Variants in ABCB7 observed in about 807,000 individuals in gnomAD.
ABCB7 encodes ATP binding cassette subfamily B member 7.
Under a neutral mutation model 54.4 loss-of-function variants are expected in ABCB7, and 7 were observed. The ratio of observed to expected loss-of-function variants is 0.13; its 90% confidence interval spans 0.07 to 0.24. ABCB7 has a LOEUF of 0.24. Among genes scored for constraint, ABCB7 ranks in the 10% least tolerant of loss-of-function variants. The probability of loss-of-function intolerance (pLI) is 1.00; values close to 1 mark genes in which losing one functional copy is unlikely to be tolerated. For synonymous variants in ABCB7, 218 were observed against 207.1 expected (o/e 1.05, Z -0.45); for missense variants, 356 against 570.4 (o/e 0.62, Z 3.83).
At chrX:75,105,048 C>T (rs906902837) in intron 3 of ABCB7, among the ~76,000 whole-genome samples, 3 of 111,398 alleles carry the variant, frequency 2.7e-5, no homozygotes, top group African/African-American at 9.8e-5. Context: ...ATCAAAGCCA[C>T]ATATGGCAAA....
At chrX:75,070,671 C>T (rs781392786) in intron 9 of ABCB7, 149 bp from the exon 10 acceptor site, 4 of 573,569 alleles carry the variant, frequency 7.0e-6, no homozygotes, top group East Asian at 7.1e-5. Flanking sequence ...CATTAATCCA[C>T]GATTTAGGTA....
At chrX:75,068,943 C>G in intron 12 of ABCB7, 64 bp downstream of exon 12, 1 of 1,121,199 alleles carries the variant, frequency 8.9e-7, no homozygotes, top group Non-Finnish European at 1.2e-6. Flanking sequence ...TCAAACTGTT[C>G]TAGTTACGGA....
chrX:75,057,108 A>T (rs994376117), intron 15 of ABCB7, among the ~76,000 whole-genome samples: 2 of 111,907 alleles, frequency 1.8e-5, no homozygotes, highest in African/African-American at 6.5e-5. Flanking sequence ...AGGTATAAAA[A>T]CACTAAGCAT....
At chrX:75,068,344 C>A (rs893796205) in intron 12 of ABCB7, among the ~76,000 whole-genome samples, 1 of 111,891 alleles carries the variant, frequency 8.9e-6, no homozygotes, top group African/African-American at 3.3e-5. Context: ...TCTCTATAAG[C>A]TTTCATCATA....
intron 2 of ABCB7, among the ~76,000 whole-genome samples, chrX:75,113,757 G>A (rs2081783637): frequency 9.0e-6 from 1 of 111,673 alleles, no homozygotes; most frequent in African/African-American, 3.3e-5. Flanking sequence ...TATCAGCTCT[G>A]GGCCAAGCTA....
At chrX:75,057,368 CAT>C (rs1316156972) in intron 15 of ABCB7, among the ~76,000 whole-genome samples, 1 of 108,845 alleles carries the variant, frequency 9.2e-6, no homozygotes, top group Non-Finnish European at 1.9e-5. Flanking sequence ...CAGATCATGC[CAT>C]ATAAGTTTCC....
rs768721419 is a variant in ABCB7, at chrX:75,136,550, G to A, written c.168+19555C>T. ...ATAGCCAAAACAATCCTAAGCAAAA[G>A]CAAAAACAGAAACAAAAACAAAACA... On this transcript the variant is annotated intron_variant, in intron 1 of 15. Coordinates refer to ENST00000373394, the MANE Select transcript of ABCB7 (RefSeq NM_001271696.3). Among the ~76,000 whole-genome samples, 9 of 110,756 alleles carry A rather than the reference G, an allele frequency of 8.1e-5. No individual in the cohort carries two copies. The South Asian group carries it at 3.4e-3, about 42-fold the overall frequency.
At chrX:75,087,633 A>G (rs976442855) in intron 4 of ABCB7, among the ~76,000 whole-genome samples, 2 of 111,847 alleles carry the variant, frequency 1.8e-5, no homozygotes, top group African/African-American at 6.5e-5. Context: ...AGCAAGAGTT[A>G]TGACTAATCT....
Position 75,073,763 on chromosome X carries a change from T to C in ABCB7, c.958A>G (p.Ile320Val), listed in dbSNP as rs1133578. 5.1e-5 allele frequency: 61 copies of C among 1,201,182 alleles called. No individual in the cohort carries two copies. In the African/African-American group the frequency reaches 9.3e-4, roughly 18 times the overall value. Residue 320 changes from isoleucine to valine, a missense_variant, in exon 8 of 16, where the codon ATA (isoleucine) becomes GTA (valine). Ile to Val is a conservative substitution (Grantham distance 29). Coordinates refer to ENST00000373394, the MANE Select transcript of ABCB7 (RefSeq NM_001271696.3). ...AVTRWRTRFR[I>V]EMNKADNDAG... is the part of the protein sequence containing the mutation. ...TCATTATCTGCTTTGTTCATTTCTATTCTAAATCTAGTTCTGTAAGACAAA... is the reference window on the plus strand; with the variant it reads ...TCATTATCTGCTTTGTTCATTTCTACTCTAAATCTAGTTCTGTAAGACAAA...
chrX:75,113,784 A>T, intron 2 of ABCB7, among the ~76,000 whole-genome samples: 1 of 112,283 alleles, frequency 8.9e-6, no homozygotes, highest in Admixed American at 9.5e-5. Context: ...TGGAGTTACA[A>T]AAAGCAAAAA....
At chrX:75,138,585 T>C (rs1401478890) in intron 1 of ABCB7, among the ~76,000 whole-genome samples, 1 of 112,272 alleles carries the variant, frequency 8.9e-6, no homozygotes, top group Admixed American at 9.4e-5. Context: ...AATAGCTTTT[T>C]AACTGGGATT....
At chrX:75,055,508 A>T (rs1276797056) in intron 15 of ABCB7, among the ~76,000 whole-genome samples, 1 of 94,870 alleles carries the variant, frequency 1.1e-5, no homozygotes, top group East Asian at 3.7e-4. Flanking sequence ...GGAGTTTGAG[A>T]CTAGCCTGGG....
chrX:75,127,859 G>A (rs1167916377), intron 1 of ABCB7, among the ~76,000 whole-genome samples: 1 of 111,722 alleles, frequency 9.0e-6, no homozygotes, highest in Non-Finnish European at 1.9e-5. Context: ...TTGCTACAAA[G>A]GGAATAAAAT....
At chrX:75,147,783 C>T (rs1366925174) in intron 1 of ABCB7, among the ~76,000 whole-genome samples, 2 of 112,046 alleles carry the variant, frequency 1.8e-5, no homozygotes, top group African/African-American at 3.2e-5. Flanking sequence ...ATAAGTTTAC[C>T]TATGTAACAA....
At chrX:75,063,654 A>G (rs574625828) in intron 13 of ABCB7, among the ~76,000 whole-genome samples, 7 of 111,385 alleles carry the variant, frequency 6.3e-5, no homozygotes, top group African/African-American at 2.3e-4. Context: ...AGGAAGGACT[A>G]GTTTTGAAGT....
intron 1 of ABCB7, among the ~76,000 whole-genome samples, chrX:75,151,161 T>C (rs143449045): frequency 0.012 from 1,352 of 111,666 alleles, 23 homozygotes; most frequent in African/African-American, 0.042. Flanking sequence ...ACATGAAATT[T>C]TCTTCCTCTT....
chrX:75,065,337 G>C (rs1240606669), intron 12 of ABCB7, 96 bp from the exon 13 acceptor site: 12 of 828,084 alleles, frequency 1.4e-5, no homozygotes, highest in Non-Finnish European at 2.0e-5. Flanking sequence ...AGAGACAAAG[G>C]CATAAAGGGT....
At chrX:75,092,637 C>A (rs1189001546) in intron 4 of ABCB7, among the ~76,000 whole-genome samples, 1 of 111,433 alleles carries the variant, frequency 9.0e-6, no homozygotes, top group Non-Finnish European at 1.9e-5. Flanking sequence ...AAGCCACAGA[C>A]TGAGACAAAG....
chrX:75,148,376 A>ACC (rs200491997), intron 1 of ABCB7, among the ~76,000 whole-genome samples: 1 of 101,381 alleles, frequency 9.9e-6, no homozygotes, highest in South Asian at 4.8e-4. Context: ...AGCATCCCAA[A>ACC]CCCCCCCCCA....
Sources: gnomAD v4.1 joint callset for allele counts (sites outside exome capture counted in the v4.1 genomes callset) on GRCh38, gnomAD v4.1.1 for gene constraint, MANE v1.5 for transcripts, NCBI Gene and HGNC (gene_info 2026-07-23, HGNC 2026-07-21) for gene names.